DLGAP5: variants seen among roughly 807,000 people sequenced by gnomAD.
DLGAP5 encodes the protein disks large-associated protein 5.
DLGAP5 carries 90 observed loss-of-function variants against 99.6 expected under a neutral mutation model. That is an observed-to-expected ratio of 0.90 (90% CI 0.76 to 1.08). The LOEUF (loss-of-function observed/expected upper bound fraction) is 1.08. Among genes scored for constraint, DLGAP5 ranks in the 50% least tolerant of loss-of-function variants. The pLI, the probability that DLGAP5 is intolerant of heterozygous loss-of-function variation, is 0.00. For synonymous variants in DLGAP5, 311 were observed against 321.3 expected, an observed-to-expected ratio of 0.97 and a Z score of 0.34; for missense variants, 1,036 against 983.5, an observed-to-expected ratio of 1.05 and a Z score of -0.71.
chr14:55,148,270 A>T lies in DLGAP5; in HGVS notation c.*81T>A. On this transcript the variant is annotated 3_prime_UTR_variant, in exon 19 of 19. Coordinates refer to ENST00000247191, the MANE Select transcript of DLGAP5 (RefSeq NM_014750.5). ...ATGCTATAGAAGTGAACACAAATAC[A>T]TTTTCTCCAAAATTTCAATAGTCTA... 7.0e-7 allele frequency: 1 copy of T among 1,421,912 alleles called. No homozygotes were observed. Among genetic ancestry groups the T allele is most frequent in the Non-Finnish European group, 9.7e-7 (1 of 1,033,076 alleles). The allele number at this position is 1,421,912 out of a possible 1,614,324, so 88.1% of individuals were successfully genotyped here.
chr14:55,169,900 CA>C, intron 11 of DLGAP5, among the ~76,000 whole-genome samples: 1 of 152,252 alleles, frequency 6.6e-6, no homozygotes, highest in East Asian at 1.9e-4. Context: ...TTTGGGAGGC[CA>C]AGGTGGGCGG....
chr14:55,175,859 T>C, intron 9 of DLGAP5, 35 bp downstream of exon 9: 1 of 1,486,022 alleles, frequency 6.7e-7, no homozygotes, highest in Non-Finnish European at 9.0e-7. Context: ...ATTAACATTA[T>C]TCTAAAAAAT....
At chr14:55,181,844 A>C (rs1883287254) in intron 4 of DLGAP5, among the ~76,000 whole-genome samples, 1 of 152,172 alleles carries the variant, frequency 6.6e-6, no homozygotes, top group African/African-American at 2.4e-5. Flanking sequence ...TAAATGCCTT[A>C]CATGTAAGTT....
At chr14:55,170,197 A>G (rs1366805898) in intron 11 of DLGAP5, among the ~76,000 whole-genome samples, 1 of 151,946 alleles carries the variant, frequency 6.6e-6, no homozygotes, top group East Asian at 1.9e-4. Context: ...ACTCACTGCA[A>G]ATAATTATCT....
chr14:55,181,403 T>C (rs2139525713), intron 4 of DLGAP5, 106 bp from the exon 5 acceptor site: 1 of 826,474 alleles, frequency 1.2e-6, no homozygotes, highest in Non-Finnish European at 1.8e-6. Flanking sequence ...TCATCGTAAA[T>C]GACCCAACAA....
At chr14:55,189,853 G>C in intron 1 of DLGAP5, among the ~76,000 whole-genome samples, 1 of 152,018 alleles carries the variant, frequency 6.6e-6, no homozygotes, top group Non-Finnish European at 1.5e-5. Context: ...ATTGACCACT[G>C]GTGATCAAGT....
At chr14:55,173,272 C>CAAAAAAAAAAAAAAAAA (rs34893526) in intron 10 of DLGAP5, among the ~76,000 whole-genome samples, 2 of 106,752 alleles carry the variant, frequency 1.9e-5, no homozygotes, top group Non-Finnish European at 4.2e-5. Flanking sequence ...CCCGTCTCTA[C>CAAAAAAAAAAAAAAAAA]AAAAAAAAAA....
chr14:55,161,689 C>T (rs538712184), intron 13 of DLGAP5, among the ~76,000 whole-genome samples: 13 of 150,860 alleles, frequency 8.6e-5, no homozygotes, highest in East Asian at 2.0e-4. Context: ...GGATTATAGA[C>T]GTGAACCACT....
rs201524777 is a variant in DLGAP5, at chr14:55,180,630, G to T, written c.703+26C>A. On this transcript the variant is annotated intron_variant, in intron 6 of 18. Coordinates refer to ENST00000247191, the MANE Select transcript of DLGAP5 (RefSeq NM_014750.5). ...CTCAAGGACCAAACATTCTAGTTCA[G>T]TCACTGATCAAGGAATAGTTCTCAC... 3.0e-5 allele frequency: 48 copies of T among 1,613,562 alleles called. No homozygotes were observed. The East Asian group carries it at 9.8e-4, about 33-fold the overall frequency.
intron 4 of DLGAP5, among the ~76,000 whole-genome samples, chr14:55,181,545 C>G (rs45553033): frequency 0.018 from 2,764 of 152,266 alleles, 45 homozygotes; most frequent in Middle Eastern, 0.027. Context: ...TTAAAAACAG[C>G]TCACTATAAC....
Position 55,189,140 on chromosome 14 carries a change from T to A in DLGAP5, c.40A>T (p.Ile14Leu). ...SHFASRHRKD[I>L]STEMIRTKIA... ...TTAGTTCTAATCATTTCAGTACTTA[T>A]ATCCTTCCTGTGTCGACTGGCAAAA... is the stretch of plus-strand genomic sequence containing the variant. Residue 14 changes from isoleucine to leucine, a missense_variant, in exon 2 of 19, where the codon ATA (isoleucine) becomes TTA (leucine). Transcript: ENST00000247191. The A allele has an allele frequency of 6.2e-7, 1 of 1,613,784 alleles. No homozygotes were observed. Among genetic ancestry groups the A allele is most frequent in the Non-Finnish European group, 8.5e-7 (1 of 1,179,928 alleles).
At chr14:55,166,807 G>T (rs1194515655) in intron 12 of DLGAP5, among the ~76,000 whole-genome samples, 1 of 151,244 alleles carries the variant, frequency 6.6e-6, no homozygotes, top group African/African-American at 2.4e-5. Flanking sequence ...TACTAAAAAT[G>T]ATTGAACTGT....
intron 12 of DLGAP5, among the ~76,000 whole-genome samples, chr14:55,166,351 C>T (rs1882640937): frequency 6.6e-6 from 1 of 152,168 alleles, no homozygotes; most frequent in Non-Finnish European, 1.5e-5. Context: ...TCTACAGAGA[C>T]AGTAAGTAGA....
intron 2 of DLGAP5, among the ~76,000 whole-genome samples, chr14:55,188,490 T>A (rs1444652519): frequency 6.6e-6 from 1 of 152,200 alleles, no homozygotes; most frequent in Non-Finnish European, 1.5e-5. Context: ...ATTTATCTTG[T>A]CAACACTTAT....
chr14:55,180,286 T>C (rs978300696), intron 6 of DLGAP5, among the ~76,000 whole-genome samples: 1 of 152,204 alleles, frequency 6.6e-6, no homozygotes, highest in African/African-American at 2.4e-5. Flanking sequence ...AGAACTGCGA[T>C]CCTACTGTTC....
At chr14:55,163,104 T>G (rs991539281) in intron 12 of DLGAP5, 29 bp from the exon 13 acceptor site, 7 of 1,398,118 alleles carry the variant, frequency 5.0e-6, no homozygotes, top group South Asian at 1.3e-5. Context: ...TTTACCAGAT[T>G]AATGCTAGCC....
rs780027980 is a variant in DLGAP5 at position 55,151,942 on chromosome 14, C to T, written c.2122-1G>A. On this transcript the variant is annotated splice_acceptor_variant, in intron 16 of 18. Transcript: ENST00000247191. LOFTEE classifies it high-confidence loss of function. Reference sequence around the variant, plus strand: ...CCTTCAAGTCTGTCTTATTTACAACCTGGAAGTAAAAATGGCATTATATTT... The same window carrying T: ...CCTTCAAGTCTGTCTTATTTACAACTTGGAAGTAAAAATGGCATTATATTT... 3.1e-6 allele frequency: 5 copies of T among 1,604,810 alleles called. No individual in the cohort carries two copies. In the East Asian group the frequency reaches 8.9e-5, roughly 29 times the overall value.
intron 15 of DLGAP5, 111 bp from the exon 16 acceptor site, chr14:55,152,758 A>G (rs2296490): frequency 0.026 from 23,039 of 883,874 alleles, 1,296 homozygotes; most frequent in East Asian, 0.17. Flanking sequence ...TGGATCAAAC[A>G]TGGAGCCTGG....
At chr14:55,174,831 C>T (rs1008741494) in intron 10 of DLGAP5, among the ~76,000 whole-genome samples, 9 of 152,128 alleles carry the variant, frequency 5.9e-5, no homozygotes, top group Non-Finnish European at 1.2e-4. Context: ...GCTGGGACTA[C>T]AGGCGTGCAC....
Sources: gnomAD v4.1 joint callset for allele counts (sites outside exome capture counted in the v4.1 genomes callset) on GRCh38, gnomAD v4.1.1 for gene constraint, MANE v1.5 for transcripts, NCBI Gene and HGNC (gene_info 2026-07-23, HGNC 2026-07-21) for gene names.